Variants in ARVCF observed in about 807,000 individuals in gnomAD.
ARVCF encodes splicing regulator ARVCF.
ARVCF carries 66 observed loss-of-function variants against 90.9 expected under a neutral mutation model. That is an observed-to-expected ratio of 0.73 (90% CI 0.60 to 0.89). ARVCF has a LOEUF of 0.89. Ranked by LOEUF, ARVCF falls within the 40% of genes least tolerant of loss-of-function variation. ARVCF has a pLI of 0.00. For synonymous variants in ARVCF, 653 were observed against 603.4 expected, an observed-to-expected ratio of 1.08 and a Z score of -1.21; for missense variants, 1,469 against 1,382.3, an observed-to-expected ratio of 1.06 and a Z score of -1.00.
chr22:20,014,003 G>A (rs1308738018), intron 1 of ARVCF, among the ~76,000 whole-genome samples: 1 of 152,050 alleles, frequency 6.6e-6, no homozygotes, highest in Non-Finnish European at 1.5e-5. Context: ...CTCCCCAGCA[G>A]CTGGGATTAC....
At chr22:20,000,230 C>T (rs370347162) in intron 2 of ARVCF, among the ~76,000 whole-genome samples, 13 of 152,206 alleles carry the variant, frequency 8.5e-5, no homozygotes, top group African/African-American at 2.9e-4. Context: ...TCCTGTGTGG[C>T]CTCTGGCCAG....
At chr22:19,973,620 G>T in intron 13 of ARVCF, 23 bp downstream of exon 13, 5 of 1,592,308 alleles carry the variant, frequency 3.1e-6, no homozygotes, top group Non-Finnish European at 4.3e-6. Flanking sequence ...GTGCCCAGGC[G>T]TGGGCTTTGC....
intron 2 of ARVCF, among the ~76,000 whole-genome samples, chr22:20,001,473 G>A (rs1310343809): frequency 6.6e-6 from 1 of 152,212 alleles, no homozygotes; most frequent in Non-Finnish European, 1.5e-5. Context: ...GAAGGTTAAA[G>A]ACGGTGTTCA....
At position 19,983,187 on chromosome 22, in the gene ARVCF, G is replaced by A. The variant is rs987804110; in HGVS notation, c.211-1096C>T. ...AGCTGAAACCCAAGCCCTGGTGGGT[G>A]GGTCAGGCGGAGCACATTCCCAGGC... On this transcript the variant is annotated intron_variant, in intron 3 of 19. Transcript: ENST00000263207. Among the ~76,000 whole-genome samples, 4 of 152,372 alleles carry A rather than the reference G, an allele frequency of 2.6e-5. 1 individual carries two copies. The highest frequency in any genetic ancestry group is 9.6e-5 in the African/African-American group (4 of 41,588).
At chr22:19,987,717 C>CCT in intron 3 of ARVCF, among the ~76,000 whole-genome samples, 1 of 152,200 alleles carries the variant, frequency 6.6e-6, no homozygotes, top group East Asian at 1.9e-4. Flanking sequence ...CCCTCACCCT[C>CCT]CTGCCCAGCC....
At chr22:20,008,619 CCT>C (rs1474605443) in intron 2 of ARVCF, among the ~76,000 whole-genome samples, 4 of 152,178 alleles carry the variant, frequency 2.6e-5, no homozygotes, top group African/African-American at 4.8e-5. Context: ...TACATCAGCC[CCT>C]GTCCCAGCTG....
intron 2 of ARVCF, among the ~76,000 whole-genome samples, chr22:20,008,887 G>C (rs1944728076): frequency 6.6e-6 from 1 of 152,204 alleles, no homozygotes; most frequent in Non-Finnish European, 1.5e-5. Flanking sequence ...GAGGCACAGA[G>C]AGGGCCACAG....
At chr22:20,005,135 T>C (rs1315619187) in intron 2 of ARVCF, among the ~76,000 whole-genome samples, 6 of 152,160 alleles carry the variant, frequency 3.9e-5, no homozygotes, top group Non-Finnish European at 8.8e-5. Context: ...GTAAATCATA[T>C]ATCTGAAAAG....
At chr22:20,016,089 G>A (rs1945110300) in intron 1 of ARVCF, among the ~76,000 whole-genome samples, 1 of 152,176 alleles carries the variant, frequency 6.6e-6, no homozygotes, top group Non-Finnish European at 1.5e-5. Context: ...CCCCGAGGCG[G>A]CAGGAGCAGC....
rs1943166475 is a variant in ARVCF, at chr22:19,976,609, G to A, written c.1888+97C>T. ...GATGGCAGCCCGAGTGATGAAGCCA[G>A]GGGTGGGGCAGGGCCCTGGGGCTGG... On this transcript the variant is annotated intron_variant, in intron 10 of 19. Coordinates refer to ENST00000263207, the MANE Select transcript of ARVCF (RefSeq NM_001670.3). The A allele has an allele frequency of 6.1e-6, 9 of 1,466,076 alleles. No homozygotes were observed. In the South Asian group the frequency reaches 1.1e-4, roughly 18 times the overall value. The allele number at this position is 1,466,076 out of a possible 1,614,324, so 90.8% of individuals were successfully genotyped here. A position where few individuals can be genotyped will look rare whatever the true frequency, so the allele number is the denominator to read the frequency against.
At chr22:19,981,781 T>C in intron 4 of ARVCF, 44 bp from the exon 5 acceptor site, 1 of 1,550,524 alleles carries the variant, frequency 6.4e-7, no homozygotes, top group Non-Finnish European at 8.7e-7. Flanking sequence ...ACGAGAGGCC[T>C]AGAAACTGCT....
intron 2 of ARVCF, among the ~76,000 whole-genome samples, chr22:20,000,347 C>T (rs1166936893): frequency 1.3e-5 from 2 of 152,260 alleles, no homozygotes; most frequent in Non-Finnish European, 2.9e-5. Flanking sequence ...GAGCCAGCTC[C>T]ACTCCGGAGT....
chr22:19,976,762 C>A, intron 9 of ARVCF, 39 bp from the exon 10 acceptor site: 3 of 1,554,416 alleles, frequency 1.9e-6, no homozygotes, highest in Non-Finnish European at 2.6e-6. Context: ...AGGAGAGGAG[C>A]CTGAACAGGC....
At position 19,982,399 on chromosome 22, in the gene ARVCF, G is replaced by C. The variant is rs569257906; in HGVS notation, c.211-308C>G. 3.3e-5 allele frequency among the ~76,000 whole-genome samples: 5 copies of C among 152,208 alleles called. No homozygotes were observed. The South Asian group carries it at 1.0e-3, about 32-fold the overall frequency. On this transcript the variant is annotated intron_variant, in intron 3 of 19. Transcript: ENST00000263207. Reference sequence around the variant, plus strand: ...GTTGGCAGATAAGGACATAGACCCTGGGGGGTGAAGTCTTCAGGGCCCTCC... The same window carrying C: ...GTTGGCAGATAAGGACATAGACCCTCGGGGGTGAAGTCTTCAGGGCCCTCC...
rs530712863 is a variant in ARVCF at position 19,977,658 on chromosome 22, C to T, written c.1699-72G>A. On this transcript the variant is annotated intron_variant, in intron 8 of 19. Transcript: ENST00000263207. ...GCTGGCCCTCAGGAAAGACTGGCCA[C>T]AGCTGGTGTGCATGAGGGCACCGGG... is the stretch of plus-strand genomic sequence containing the variant. 4.5e-5 allele frequency: 67 copies of T among 1,475,622 alleles called. No homozygotes were observed. In the East Asian group the frequency reaches 1.5e-3, roughly 32 times the overall value. The allele number at this position is 1,475,622 out of a possible 1,614,324, so 91.4% of individuals were successfully genotyped here.
intron 2 of ARVCF, among the ~76,000 whole-genome samples, chr22:19,995,781 G>A (rs1944226613): frequency 6.6e-6 from 1 of 152,070 alleles, no homozygotes; most frequent in African/African-American, 2.4e-5. Flanking sequence ...CCAGGGCTGC[G>A]CTGGCCCCCC....
Position 19,970,724 on chromosome 22 carries a change from C to T in ARVCF, c.*32G>A. The T allele has an allele frequency of 6.2e-6, 8 of 1,290,258 alleles. No individual in the cohort carries two copies. Among genetic ancestry groups the T allele is most frequent in the Non-Finnish European group, 8.1e-6 (8 of 989,304 alleles). 79.9% of individuals were successfully genotyped at this position (1,290,258 alleles called of 1,614,324 possible). ...TCTTCCACGATCCAAGCCCTAAGAA[C>T]AAGAGGCTGGGCCTGGGCCCTGCAG... is the stretch of plus-strand genomic sequence containing the variant. On this transcript the variant is annotated 3_prime_UTR_variant, in exon 20 of 20. Transcript: ENST00000263207.
chr22:19,982,386 G>A (rs982690262), intron 3 of ARVCF, among the ~76,000 whole-genome samples: 2 of 152,178 alleles, frequency 1.3e-5, no homozygotes, highest in African/African-American at 4.8e-5. Flanking sequence ...TGGCAGATAA[G>A]GACATAGACC....
chr22:19,971,464 C>CT, intron 18 of ARVCF, 129 bp from the exon 19 acceptor site: 1 of 1,190,722 alleles, frequency 8.4e-7, no homozygotes, highest in South Asian at 1.6e-5. Context: ...ACAGGTAGCA[C>CT]CAAGGGCGCA....
Sources: gnomAD v4.1 joint callset for allele counts (sites outside exome capture counted in the v4.1 genomes callset) on GRCh38, gnomAD v4.1.1 for gene constraint, MANE v1.5 for transcripts, NCBI Gene and HGNC (gene_info 2026-07-23, HGNC 2026-07-21) for gene names.